The following NUP155 variants were observed in gnomAD, a reference collection of about 807,000 sequenced individuals.
The protein encoded by NUP155 is nuclear pore complex protein Nup155.
A neutral mutation model predicts 180.4 loss-of-function variants in NUP155; 71 were observed. The ratio of observed to expected loss-of-function variants is 0.39; its 90% CI spans 0.33 to 0.48. NUP155 has a LOEUF of 0.48. NUP155 is among the 20% of genes least tolerant of loss of function. The probability of loss-of-function intolerance (pLI) is 0.91; values close to 1 mark genes in which losing one functional copy is unlikely to be tolerated. For missense variants in NUP155, 1,553 were observed against 1,648.9 expected (o/e 0.94, Z 1.01); for synonymous variants, 582 against 559.5 (o/e 1.04, Z -0.57).
chr5:37,352,132 T>C (rs1044814607), intron 5 of NUP155, among the ~76,000 whole-genome samples: 6 of 151,662 alleles, frequency 4.0e-5, no homozygotes, highest in Non-Finnish European at 7.4e-5. Context: ...CCAAGGCAGG[T>C]GGATCACGAG....
Position 37,341,263 on chromosome 5 carries a change from T to C in NUP155, c.1094-21A>G, listed in dbSNP as rs765095959. On this transcript the variant is annotated intron_variant, in intron 10 of 34. Coordinates refer to ENST00000231498, the MANE Select transcript of NUP155 (RefSeq NM_153485.3). ...AACACCTGAAGATGGGGTAAAATTA[T>C]GCATCAGTAATAGAAAACAAGGACC... The C allele has an allele frequency of 1.4e-4, 225 of 1,609,144 alleles. 1 individual carries two copies. The South Asian group carries it at 1.5e-3, about 11-fold the overall frequency.
In NUP155 at chr5:37,296,241, A is replaced by G. The variant is rs1301125690; in HGVS notation, c.3794-1776T>C. The stretch of plus-strand genomic sequence containing the variant: ...CAGTTTTGTGGAATAGAAAGGGGGG[A>G]AAGGTGGGGAAAAGATTGAGAAATC... On this transcript the variant is annotated intron_variant, in intron 32 of 34. Transcript: ENST00000231498. 2.0e-5 allele frequency among the ~76,000 whole-genome samples: 3 copies of G among 152,154 alleles called. No individual in the cohort carries two copies. In the East Asian group the frequency reaches 5.8e-4, roughly 29 times the overall value.
rs74795972 is a variant in NUP155, at chr5:37,299,991, C to T, written c.3562-423G>A. Among the ~76,000 whole-genome samples, 226 of 150,832 alleles carry T rather than the reference C, an allele frequency of 1.5e-3. 1 individual carries two copies. The highest frequency in any genetic ancestry group is 5.3e-3 in the African/African-American group (219 of 40,970). ...CTGAGATCACGCCATTGCACTCTAG[C>T]CTGGTGACAGAGAAAGACTCTGTCT... On this transcript the variant is annotated intron_variant, in intron 30 of 34. Coordinates refer to ENST00000231498, the MANE Select transcript of NUP155 (RefSeq NM_153485.3).
intron 4 of NUP155, among the ~76,000 whole-genome samples, chr5:37,353,781 T>C (rs1746626828): frequency 6.6e-6 from 1 of 152,102 alleles, no homozygotes; most frequent in South Asian, 2.1e-4. Flanking sequence ...TACTACCAAC[T>C]GCTGAGGGAA....
chr5:37,327,479 G>A (rs1310314060), intron 18 of NUP155, 150 bp downstream of exon 18: 1 of 748,948 alleles, frequency 1.3e-6, no homozygotes, highest in East Asian at 2.7e-5. Flanking sequence ...AACAAAAACT[G>A]GAATAATAGA....
chr5:37,328,632 T>C (rs1228375568), intron 16 of NUP155, among the ~76,000 whole-genome samples: 2 of 152,068 alleles, frequency 1.3e-5, no homozygotes, highest in African/African-American at 4.8e-5. Flanking sequence ...GCCTCCTGAG[T>C]AGCTGGGATT....
intron 20 of NUP155, among the ~76,000 whole-genome samples, chr5:37,320,402 G>A (rs1744171180): frequency 6.6e-6 from 1 of 152,298 alleles, no homozygotes; most frequent in African/African-American, 2.4e-5. Context: ...GCTTGAACCC[G>A]GGAGGCGGAG....
At chr5:37,365,752 T>TATACACACACACACAC (rs1403169370) in intron 1 of NUP155, among the ~76,000 whole-genome samples, 1 of 37,890 alleles carries the variant, frequency 2.6e-5, no homozygotes, top group Non-Finnish European at 4.5e-5. Flanking sequence ...TATATATATA[T>TATACACACACACACAC]ACACACACAC....
At chr5:37,345,774 C>G (rs965250540) in intron 9 of NUP155, among the ~76,000 whole-genome samples, 3 of 151,618 alleles carry the variant, frequency 2.0e-5, no homozygotes, top group Non-Finnish European at 2.9e-5. Context: ...CACAGTGGTG[C>G]GCGCCTATAG....
At chr5:37,351,571 C>T (rs1240410017) in intron 5 of NUP155, among the ~76,000 whole-genome samples, 3 of 151,838 alleles carry the variant, frequency 2.0e-5, no homozygotes, top group Admixed American at 6.6e-5. Context: ...CTCAGCCTCC[C>T]GAGTAGCTGG....
chr5:37,303,380 C>G lies in NUP155; in HGVS notation c.3197G>C (p.Arg1066Pro). Residue 1066 changes from arginine to proline, a missense_variant, in exon 28 of 35, where the codon CGA (arginine) becomes CCA (proline). Arg to Pro is a moderately radical substitution (Grantham distance 103, BLOSUM62 -2). Transcript: ENST00000231498. ...TCTGTTTTGATCAACTTTGGCCATT[C>G]GGACTAGATGTGGCTCCAGAAATGG... The part of the protein sequence containing the change: ...ASPFLEPHLV[R>P]MAKVDQNRVR... The G allele has an allele frequency of 6.2e-7, 1 of 1,614,014 alleles. No homozygotes were observed. Among genetic ancestry groups the G allele is most frequent in the Non-Finnish European group, 8.5e-7 (1 of 1,179,974 alleles).
At chr5:37,302,973 AAT>A in intron 28 of NUP155, 65 bp from the exon 29 acceptor site, 6 of 1,515,072 alleles carry the variant, frequency 4.0e-6, no homozygotes, top group Non-Finnish European at 5.5e-6. Context: ...CAAATACGTC[AAT>A]TAGTATGTAC....
rs187642321 is a variant in NUP155, at chr5:37,324,633, A to G, written c.2092-526T>C. Among the ~76,000 whole-genome samples, 481 of 152,100 alleles carry G rather than the reference A, an allele frequency of 3.2e-3. 1 individual carries two copies. Among genetic ancestry groups the G allele is most frequent in the African/African-American group, 0.011 (455 of 41,482 alleles). ...AGTGGCGCGGATCATATCTTACTGC[A>G]GCCTTGACTTCCTAAGTTCAAGTGA... On this transcript the variant is annotated intron_variant, in intron 19 of 34. Transcript: ENST00000231498.
At position 37,299,109 on chromosome 5, in the gene NUP155, T is replaced by A. The variant is rs891548144; in HGVS notation, c.3683-131A>T. On this transcript the variant is annotated intron_variant, in intron 31 of 34. Coordinates refer to ENST00000231498, the MANE Select transcript of NUP155 (RefSeq NM_153485.3). ...TAGTCACATTAATATGATTAACAGA[T>A]TTGGTGTTTCTGTTATTGTCTGAGA... is the stretch of plus-strand genomic sequence containing the variant. The A allele has an allele frequency of 7.0e-6, 5 of 711,652 alleles. No homozygotes were observed. The African/African-American group carries it at 8.7e-5, about 12-fold the overall frequency. 44.1% of individuals were successfully genotyped at this position (711,652 alleles called of 1,614,324 possible). A position where few individuals can be genotyped will look rare whatever the true frequency, so the allele number is the denominator to read the frequency against.
intron 12 of NUP155, 92 bp from the exon 13 acceptor site, chr5:37,333,725 T>C: frequency 1.2e-6 from 1 of 832,078 alleles, no homozygotes; most frequent in East Asian, 2.7e-5. Context: ...GTAAATTTAA[T>C]AAATAGTACA....
intron 28 of NUP155, among the ~76,000 whole-genome samples, 154 bp from the exon 29 acceptor site, chr5:37,303,062 T>C (rs1742952766): frequency 6.6e-6 from 1 of 152,226 alleles, no homozygotes; most frequent in Non-Finnish European, 1.5e-5. Context: ...AAATCTATTT[T>C]AGATTTCTCA....
intron 18 of NUP155, among the ~76,000 whole-genome samples, chr5:37,326,729 C>T (rs190709987): frequency 6.6e-6 from 1 of 152,322 alleles, no homozygotes; most frequent in East Asian, 1.9e-4. Flanking sequence ...CTCTCTTTAA[C>T]TTCACAACTG....
chr5:37,296,073 C>T (rs183357), intron 32 of NUP155, among the ~76,000 whole-genome samples: 901 of 130,806 alleles, frequency 6.9e-3, no homozygotes, highest in South Asian at 0.013. Context: ...GCCCCCCGCC[C>T]GGCCAGCCGC....
intron 6 of NUP155, among the ~76,000 whole-genome samples, chr5:37,350,498 T>C (rs1311464386): frequency 6.6e-6 from 1 of 152,106 alleles, no homozygotes; most frequent in South Asian, 2.1e-4. Flanking sequence ...CAAGACATAC[T>C]GTTAGATGAA....
Sources: gnomAD v4.1 joint callset for allele counts (sites outside exome capture counted in the v4.1 genomes callset) on GRCh38, gnomAD v4.1.1 for gene constraint, MANE v1.5 for transcripts, NCBI Gene and HGNC (gene_info 2026-07-23, HGNC 2026-07-21) for gene names.